The following ERG variants were observed in gnomAD, a reference collection of about 807,000 sequenced individuals.
ERG encodes transcriptional regulator ERG.
Under a neutral mutation model 55.3 loss-of-function variants are expected in ERG, and 9 were observed. That is an observed-to-expected ratio of 0.16 (90% CI 0.10 to 0.28). The LOEUF (loss-of-function observed/expected upper bound fraction) is 0.28. Among genes scored for constraint, ERG ranks in the 10% least tolerant of loss-of-function variants. The pLI is 1.00. For synonymous variants in ERG, 223 were observed against 237.3 expected (o/e 0.94, Z 0.55); for missense variants, 434 against 631.6 (o/e 0.69, Z 3.35).
At chr21:38,475,253 G>C (rs1466474068) in intron 1 of ERG, among the ~76,000 whole-genome samples, 1 of 152,200 alleles carries the variant, frequency 6.6e-6, no homozygotes, top group Non-Finnish European at 1.5e-5. Flanking sequence ...GAAGAAGGGA[G>C]AAGGGAAGGG....
intron 3 of ERG, among the ~76,000 whole-genome samples, chr21:38,418,281 G>GTGTGGC (rs1555895856): frequency 6.6e-6 from 1 of 150,676 alleles, no homozygotes. Context: ...GTGTGTGTGT[G>GTGTGGC]TGTGTGTGTG....
chr21:38,486,726 T>C (rs2059288894), intron 1 of ERG, among the ~76,000 whole-genome samples: 1 of 152,132 alleles, frequency 6.6e-6, no homozygotes, highest in Non-Finnish European at 1.5e-5. Context: ...TTGTTGTTAT[T>C]ATTATGAGAT....
intron 9 of ERG, among the ~76,000 whole-genome samples, chr21:38,390,584 C>A (rs1182537962): frequency 6.6e-6 from 1 of 152,102 alleles, no homozygotes; most frequent in African/African-American, 2.4e-5. Context: ...AGAAGAGACA[C>A]GAGGAGATGA....
At chr21:38,434,140 C>T (rs953515185) in intron 2 of ERG, among the ~76,000 whole-genome samples, 1 of 152,332 alleles carries the variant, frequency 6.6e-6, no homozygotes, top group South Asian at 2.1e-4. Context: ...CCCCTCAATT[C>T]ACTCATTTGT....
At chr21:38,603,720 G>C (rs1433525435) in intron 1 of ERG, among the ~76,000 whole-genome samples, 1 of 152,034 alleles carries the variant, frequency 6.6e-6, no homozygotes, top group East Asian at 1.9e-4. Context: ...AAGGGCCCCC[G>C]ATAAGGTTTT....
chr21:38,447,471 C>A (rs2058902669), intron 1 of ERG, among the ~76,000 whole-genome samples: 1 of 149,460 alleles, frequency 6.7e-6, no homozygotes, highest in African/African-American at 2.5e-5. Flanking sequence ...AAATCAAACT[C>A]ATCAACAACC....
At chr21:38,453,995 A>T (rs745780629) in intron 1 of ERG, among the ~76,000 whole-genome samples, 1 of 151,610 alleles carries the variant, frequency 6.6e-6, no homozygotes, top group Non-Finnish European at 1.5e-5. Context: ...TCCTGTTTGT[A>T]TGTTTTACAT....
upstream of ERG, among the ~76,000 whole-genome samples, chr21:38,589,578 G>A (rs1354211522): frequency 6.6e-6 from 1 of 152,150 alleles, no homozygotes. Flanking sequence ...TCTAACACTC[G>A]GGGAAGCGAG....
At chr21:38,465,457 G>A (rs187559232) in intron 1 of ERG, among the ~76,000 whole-genome samples, 3 of 152,278 alleles carry the variant, frequency 2.0e-5, no homozygotes, top group African/African-American at 4.8e-5. Flanking sequence ...AAACTATTCC[G>A]TATAATCCTA....
At chr21:38,530,522 G>A (rs1029602668) in intron 2 of ERG, among the ~76,000 whole-genome samples, 9 of 152,172 alleles carry the variant, frequency 5.9e-5, no homozygotes, top group African/African-American at 1.7e-4. Context: ...CCTTCTCCAG[G>A]GGAAGAAAGT....
intron 1 of ERG, chr21:38,471,071 G>A (rs947905564): frequency 1.3e-5 from 2 of 152,210 alleles, no homozygotes; most frequent in African/African-American, 4.8e-5. Flanking sequence ...AGTGAGCAGT[G>A]CATAAGATTA....
intron 1 of ERG, among the ~76,000 whole-genome samples, chr21:38,628,116 T>C (rs758678069): frequency 2.0e-5 from 3 of 152,018 alleles, no homozygotes; most frequent in Non-Finnish European, 4.4e-5. Flanking sequence ...AGCTGGCTAA[T>C]TGTTGTATAT....
chr21:38,499,544 T>G (rs1242669845), upstream of ERG, among the ~76,000 whole-genome samples: 1 of 152,086 alleles, frequency 6.6e-6, no homozygotes, highest in East Asian at 1.9e-4. Flanking sequence ...GACTAAATCC[T>G]GAGTCATCTG....
intron 2 of ERG, among the ~76,000 whole-genome samples, chr21:38,550,041 C>T (rs2059814055): frequency 6.6e-6 from 1 of 152,178 alleles, no homozygotes; most frequent in Non-Finnish European, 1.5e-5. Context: ...GTCAGAGTCA[C>T]CCTGCATGTC....
chr21:38,500,398 T>A (rs1355138951), upstream of ERG, among the ~76,000 whole-genome samples: 1 of 152,254 alleles, frequency 6.6e-6, no homozygotes, highest in Non-Finnish European at 1.5e-5. Context: ...CAGTGATGAT[T>A]TGGCCTTAAC....
At chr21:38,427,936 C>T (rs979360985) in intron 2 of ERG, among the ~76,000 whole-genome samples, 16 of 152,130 alleles carry the variant, frequency 1.1e-4, no homozygotes, top group African/African-American at 3.9e-4. Flanking sequence ...CATATAATCC[C>T]AGCATTTTGG....
At position 38,432,282 on chromosome 21, in the gene ERG, T is replaced by C. The variant is rs1170041236; in HGVS notation, c.237-8721A>G. 2.0e-5 allele frequency among the ~76,000 whole-genome samples: 3 copies of C among 152,016 alleles called. No individual in the cohort carries two copies. In the East Asian group the frequency reaches 5.8e-4, roughly 29 times the overall value. ...GCTGTTTTTTAATTATTTGTATAGATGGGGTCTCACTATGTTGCCCAGGCT... is the reference window on the plus strand; with the variant it reads ...GCTGTTTTTTAATTATTTGTATAGACGGGGTCTCACTATGTTGCCCAGGCT... On this transcript the variant is annotated intron_variant, in intron 2 of 9. Transcript: ENST00000288319.
chr21:38,428,219 T>G (rs1989929829), intron 2 of ERG, among the ~76,000 whole-genome samples: 1 of 151,736 alleles, frequency 6.6e-6, no homozygotes, highest in Non-Finnish European at 1.5e-5. Context: ...AAAAGGAAAT[T>G]TTATCACAAT....
At chr21:38,566,714 C>CA (rs1320783489) in intron 2 of ERG, among the ~76,000 whole-genome samples, 4 of 152,058 alleles carry the variant, frequency 2.6e-5, no homozygotes, top group African/African-American at 9.7e-5. Flanking sequence ...AACAAAGAAA[C>CA]AAAAAACATG....
Sources: allele counts gnomAD v4.1 joint callset (sites outside exome capture counted in the v4.1 genomes callset), GRCh38; gene constraint gnomAD v4.1.1; transcripts MANE v1.5; gene names NCBI Gene and HGNC (gene_info 2026-07-23, HGNC 2026-07-21).